The following NTM variants were observed in gnomAD, a reference collection of about 807,000 sequenced individuals.
The protein encoded by NTM is neurotrimin.
NTM carries 13 observed loss-of-function variants against 42.1 expected under a neutral mutation model. The observed-to-expected ratio is 0.31, with a 90% confidence interval of 0.20 to 0.49. NTM has a LOEUF of 0.49. NTM is among the 20% of genes least tolerant of loss of function. NTM has a pLI of 0.99. For synonymous variants in NTM, 187 were observed against 179.2 expected (o/e 1.04, Z -0.35); for missense variants, 373 against 452.8 (o/e 0.82, Z 1.60).
At chr11:131,715,181 C>A (rs2077561197) in intron 1 of NTM, among the ~76,000 whole-genome samples, 1 of 152,276 alleles carries the variant, frequency 6.6e-6, no homozygotes, top group Middle Eastern at 3.4e-3. Flanking sequence ...ATTCTGTTCC[C>A]TTCTCACCTG....
intron 1 of NTM, among the ~76,000 whole-genome samples, chr11:131,439,762 TCTC>T (rs1949454085): frequency 6.6e-6 from 1 of 152,144 alleles, no homozygotes; most frequent in African/African-American, 2.4e-5. Flanking sequence ...CCCTTGAGCT[TCTC>T]AGGTGAGGCG....
intron 4 of NTM, among the ~76,000 whole-genome samples, chr11:132,271,072 A>AC (rs1746080495): frequency 1.3e-5 from 2 of 151,898 alleles, no homozygotes; most frequent in African/African-American, 2.4e-5. Context: ...CCTTCATCTC[A>AC]CCCCCCAGCA....
Position 132,295,335 on chromosome 11 carries a change from A to G in NTM, c.527-12354A>G, listed in dbSNP as rs186354614. On this transcript the variant is annotated intron_variant, in intron 4 of 8. Transcript: ENST00000683400. ...TCTAGTCAGCTAGTTTATTCATTCA[A>G]CCTTTGCCCACATGATCATGTGGCC... Among the ~76,000 whole-genome samples the G allele has an allele frequency of 5.3e-5, 8 of 152,226 alleles. No homozygotes were observed. The East Asian group carries it at 1.3e-3, about 26-fold the overall frequency.
chr11:132,021,454 T>C (rs947221665), intron 2 of NTM, among the ~76,000 whole-genome samples: 1 of 152,164 alleles, frequency 6.6e-6, no homozygotes, highest in African/African-American at 2.4e-5. Flanking sequence ...TCTCATACTT[T>C]TTTTAAGTGC....
At chr11:132,236,472 A>G (rs1159335741) in intron 4 of NTM, among the ~76,000 whole-genome samples, 1 of 152,134 alleles carries the variant, frequency 6.6e-6, no homozygotes, top group Non-Finnish European at 1.5e-5. Flanking sequence ...GTAACTTGGG[A>G]GGAATATACA....
intron 1 of NTM, among the ~76,000 whole-genome samples, chr11:131,624,394 A>G (rs1349173852): frequency 6.6e-6 from 1 of 152,142 alleles, no homozygotes; most frequent in Non-Finnish European, 1.5e-5. Flanking sequence ...CGGGCACAGC[A>G]CTATCTACTG....
At chr11:131,983,374 CTT>C (rs151133606) in intron 2 of NTM, among the ~76,000 whole-genome samples, 24 of 122,372 alleles carry the variant, frequency 2.0e-4, no homozygotes, top group South Asian at 2.6e-4. Context: ...AAAATTGTAT[CTT>C]TTTTTTTTTT....
chr11:132,213,733 T>TTC (rs2083301464), intron 4 of NTM, among the ~76,000 whole-genome samples: 1 of 55,946 alleles, frequency 1.8e-5, no homozygotes, highest in South Asian at 5.2e-4. Context: ...CACCATTCTT[T>TTC]TTTTTTTTTT....
At chr11:132,214,993 T>G (rs369454426) in intron 4 of NTM, among the ~76,000 whole-genome samples, 18 of 152,308 alleles carry the variant, frequency 1.2e-4, no homozygotes, top group South Asian at 8.3e-4. Flanking sequence ...TATTTGGAGA[T>G]CAGAGATGTC....
intron 1 of NTM, among the ~76,000 whole-genome samples, chr11:131,637,471 G>T (rs1297799693): frequency 6.6e-6 from 1 of 151,478 alleles, no homozygotes; most frequent in African/African-American, 2.4e-5. Flanking sequence ...TTTCCAGATG[G>T]CCCACTGTCT....
At chr11:131,781,544 TACTA>T (rs1263197939) in intron 1 of NTM, among the ~76,000 whole-genome samples, 2 of 152,118 alleles carry the variant, frequency 1.3e-5, no homozygotes, top group Non-Finnish European at 2.9e-5. Flanking sequence ...CCATAGCAAA[TACTA>T]AGTAATATAC....
intron 1 of NTM, among the ~76,000 whole-genome samples, chr11:131,873,459 C>T (rs2048010913): frequency 1.3e-5 from 2 of 151,088 alleles, no homozygotes; most frequent in African/African-American, 4.9e-5. Context: ...AGCAAATCAC[C>T]AGGGCACATG....
intron 1 of NTM, among the ~76,000 whole-genome samples, chr11:131,834,764 A>G (rs1321931317): frequency 1.3e-5 from 2 of 151,964 alleles, no homozygotes; most frequent in South Asian, 4.2e-4. Context: ...CTACTTTACT[A>G]TTAGAGCCAT....
At chr11:132,296,843 T>G (rs529298767) in intron 4 of NTM, among the ~76,000 whole-genome samples, 1 of 152,348 alleles carries the variant, frequency 6.6e-6, no homozygotes, top group Non-Finnish European at 1.5e-5. Context: ...GGCAAGGCAT[T>G]CAAAAGTAAG....
chr11:131,673,621 T>C (rs189791543), intron 1 of NTM, among the ~76,000 whole-genome samples: 4 of 152,290 alleles, frequency 2.6e-5, no homozygotes, highest in Admixed American at 2.6e-4. Flanking sequence ...TTTTGTCTGC[T>C]TTTGGGAACT....
intron 1 of NTM, among the ~76,000 whole-genome samples, chr11:131,794,154 G>A (rs2091283427): frequency 6.6e-6 from 1 of 152,114 alleles, no homozygotes; most frequent in African/African-American, 2.4e-5. Context: ...GAGTGCCACG[G>A]TGCGTGCTGA....
chr11:131,768,984 CA>C (rs1198200431), intron 1 of NTM, among the ~76,000 whole-genome samples: 2 of 152,160 alleles, frequency 1.3e-5, no homozygotes, highest in African/African-American at 4.8e-5. Flanking sequence ...TTGATATTAT[CA>C]GATAATAGTA....
chr11:132,300,851 T>C (rs1447248565), intron 4 of NTM, among the ~76,000 whole-genome samples: 1 of 152,188 alleles, frequency 6.6e-6, no homozygotes, highest in East Asian at 1.9e-4. Context: ...TGCCACCCCC[T>C]TTGACAGTCT....
chr11:132,066,823 C>A (rs1031527331), intron 2 of NTM, among the ~76,000 whole-genome samples: 1 of 152,146 alleles, frequency 6.6e-6, no homozygotes, highest in African/African-American at 2.4e-5. Context: ...CCAGAATAAT[C>A]TTCCCATCTA....
Sources: allele counts gnomAD v4.1 joint callset (sites outside exome capture counted in the v4.1 genomes callset), GRCh38; gene constraint gnomAD v4.1.1; transcripts MANE v1.5; gene names NCBI Gene and HGNC (gene_info 2026-07-23, HGNC 2026-07-21).